The following HIF1A variants were observed in gnomAD, a reference collection of about 807,000 sequenced individuals.
HIF1A encodes hypoxia-inducible factor 1-alpha.
A neutral mutation model predicts 92.7 loss-of-function variants in HIF1A; 24 were observed. The observed-to-expected ratio is 0.26, with a 90% CI of 0.19 to 0.36. The LOEUF is 0.36. Ranked by LOEUF, HIF1A falls within the 10% of genes least tolerant of loss-of-function variation. The probability of loss-of-function intolerance (pLI) is 1.00; values close to 1 mark genes in which losing one functional copy is unlikely to be tolerated. For missense variants in HIF1A, 799 were observed against 998.5 expected, an observed-to-expected ratio of 0.80 and a Z score of 2.69; for synonymous variants, 319 against 338.7, an observed-to-expected ratio of 0.94 and a Z score of 0.64.
intron 6 of HIF1A, among the ~76,000 whole-genome samples, chr14:61,731,473 A>G (rs953889714): frequency 6.6e-6 from 1 of 152,252 alleles, no homozygotes; most frequent in African/African-American, 2.4e-5. Context: ...TTCATTTGAA[A>G]TATTGTTTTA....
chr14:61,732,381 C>T, intron 6 of HIF1A, 37 bp from the exon 7 acceptor site: 1 of 1,382,490 alleles, frequency 7.2e-7, no homozygotes, highest in Non-Finnish European at 1.0e-6. Context: ...TCAGTGTCTC[C>T]CTTTTTTTTC....
intron 1 of HIF1A, among the ~76,000 whole-genome samples, chr14:61,713,767 A>G (rs10459450): frequency 0.72 from 110,118 of 152,144 alleles, 45,985 homozygotes; most frequent in Non-Finnish European, 0.92. Context: ...TGAGAATCCC[A>G]ACTTTTGAAG....
intron 12 of HIF1A, among the ~76,000 whole-genome samples, chr14:61,743,911 G>A (rs1296368431): frequency 6.6e-6 from 1 of 152,178 alleles, no homozygotes; most frequent in African/African-American, 2.4e-5. Flanking sequence ...CTAGTGAGCA[G>A]TAGGACTTTG....
intron 1 of HIF1A, chr14:61,697,531 GA>G (rs2044130457): frequency 4.5e-6 from 1 of 224,590 alleles, no homozygotes; most frequent in Non-Finnish European, 7.8e-6. Flanking sequence ...GTTTTGAAAC[GA>G]ATTAATAAAT....
chr14:61,699,365 C>A (rs956547085), intron 1 of HIF1A, among the ~76,000 whole-genome samples: 1 of 152,076 alleles, frequency 6.6e-6, no homozygotes, highest in African/African-American at 2.4e-5. Flanking sequence ...AATGGTGTCA[C>A]GGCTCAGGGT....
At chr14:61,723,180 T>C (rs973686026) in intron 4 of HIF1A, among the ~76,000 whole-genome samples, 2 of 152,248 alleles carry the variant, frequency 1.3e-5, no homozygotes, top group African/African-American at 2.4e-5. Context: ...TTTTTGAGGT[T>C]TTCTTTTTCA....
chr14:61,724,349 TTCTCTCTC>T (rs147642291), intron 4 of HIF1A, among the ~76,000 whole-genome samples: 57 of 96,118 alleles, frequency 5.9e-4, no homozygotes, highest in African/African-American at 1.8e-3. Context: ...CACACACACA[TTCTCTCTC>T]TCTCTCTCTC....
rs1474412346 is a variant in HIF1A at position 61,738,270 on chromosome 14, T to C, written c.1433T>C (p.Leu478Ser). 1 of 1,614,134 alleles carries C rather than the reference T, an allele frequency of 6.2e-7. No homozygotes were observed. The highest frequency in any genetic ancestry group is 1.3e-5 in the African/African-American group (1 of 75,042). ...PALNQEVALKLEPNPESLELS... is the reference protein window; with the variant it reads ...PALNQEVALKSEPNPESLELS... ...CTCAATCAAGAAGTTGCATTAAAAT[T>C]AGAACCAAATCCAGAGTCACTGGAA... is the stretch of plus-strand genomic sequence containing the variant. Residue 478 changes from leucine (L) to serine (S), a missense_variant, in exon 10 of 15, where the codon TTA becomes TCA. Physicochemically the swap from Leu to Ser is moderately radical, Grantham distance 145. Coordinates refer to ENST00000337138, the MANE Select transcript of HIF1A (RefSeq NM_001530.4).
chr14:61,746,950 G>T lies in HIF1A; in HGVS notation c.2346G>T (p.Leu782=). The stretch of plus-strand genomic sequence containing the variant: ...GTTTTTCAGATTTAGCATGTAGACT[G>T]CTGGGGCAATCAATGGATGAAAGTG... The part of the protein sequence containing the change: ...ILIPSDLACR[L]LGQSMDESGL... The change falls in exon 15 of 15, where the codon CTG becomes CTT. Residue 782 remains leucine (L), a synonymous_variant. Transcript: ENST00000337138. 2 of 1,611,572 alleles carry T rather than the reference G, an allele frequency of 1.2e-6. No homozygotes were observed. Among genetic ancestry groups the T allele is most frequent in the South Asian group, 1.1e-5 (1 of 90,564 alleles).
rs533606959 is a variant in HIF1A at position 61,744,681 on chromosome 14, C to T, written c.2094-24C>T. The T allele has an allele frequency of 4.9e-6, 5 of 1,016,876 alleles. No individual in the cohort carries two copies. In the African/African-American group the frequency reaches 6.5e-5, roughly 13 times the overall value. The allele number at this position is 1,016,876 out of a possible 1,614,324, so 63.0% of individuals were successfully genotyped here. A position where few individuals can be genotyped will look rare whatever the true frequency, so the allele number is the denominator to read the frequency against. The stretch of plus-strand genomic sequence containing the variant: ...ATTTTTTTTAAAAACGCTATATTTT[C>T]ATTTAGAATTTTTTTCTTTTCAGAA... On this transcript the variant is annotated intron_variant, in intron 12 of 14. Coordinates refer to ENST00000337138, the MANE Select transcript of HIF1A (RefSeq NM_001530.4).
intron 10 of HIF1A, among the ~76,000 whole-genome samples, chr14:61,739,482 T>C (rs2044680052): frequency 6.6e-6 from 1 of 152,198 alleles, no homozygotes; most frequent in South Asian, 2.1e-4. Context: ...CATTAGGTAT[T>C]TGTTGAATAA....
chr14:61,696,830 A>G (rs1254137601), intron 1 of HIF1A, among the ~76,000 whole-genome samples: 4 of 152,214 alleles, frequency 2.6e-5, no homozygotes, highest in Non-Finnish European at 5.9e-5. Flanking sequence ...AACCGTCAAC[A>G]TATATCTAAA....
In HIF1A at chr14:61,747,923, G is replaced by A. The variant is rs1408156600; in HGVS notation, c.*838G>A. The A allele has an allele frequency of 1.3e-5, 2 of 152,116 alleles. No individual in the cohort carries two copies. Among genetic ancestry groups the A allele is most frequent in the African/African-American group, 4.8e-5 (2 of 41,274 alleles). 9.4% of individuals were successfully genotyped at this position (152,116 alleles called of 1,614,324 possible). Reference sequence around the variant, plus strand: ...AACTGATATTAAACCTAAATGTTCTGCCTACCCTGTTGGTATAAAGATATT... The same window carrying A: ...AACTGATATTAAACCTAAATGTTCTACCTACCCTGTTGGTATAAAGATATT... On this transcript the variant is annotated 3_prime_UTR_variant, in exon 15 of 15. Transcript: ENST00000337138.
chr14:61,741,291 T>C (rs1475901765), intron 12 of HIF1A, 103 bp downstream of exon 12: 6 of 718,004 alleles, frequency 8.4e-6, no homozygotes, highest in Admixed American at 3.1e-5. Flanking sequence ...TTCTGATATA[T>C]ATGCCCTAAC....
chr14:61,726,880 A>G, intron 5 of HIF1A, 62 bp downstream of exon 5: 1 of 936,776 alleles, frequency 1.1e-6, no homozygotes, highest in Non-Finnish European at 1.6e-6. Context: ...TTGTAGTATT[A>G]AGATAACTTT....
chr14:61,705,120 G>T (rs1041460820), intron 1 of HIF1A, among the ~76,000 whole-genome samples: 6 of 151,996 alleles, frequency 3.9e-5, no homozygotes, highest in Admixed American at 2.0e-4. Flanking sequence ...TTAATGTTCA[G>T]ATCTCTTTTG....
rs371155852 is a variant in HIF1A at position 61,745,831 on chromosome 14, T to A, written c.2329+14T>A. On this transcript the variant is annotated intron_variant, in intron 14 of 14. Coordinates refer to ENST00000337138, the MANE Select transcript of HIF1A (RefSeq NM_001530.4). ...TAATACCCTCTGGTTAGTTTATTCTTTTTGACCTTGAACATCACAAAGACA... is the reference window on the plus strand; with the variant it reads ...TAATACCCTCTGGTTAGTTTATTCTATTTGACCTTGAACATCACAAAGACA... The A allele has an allele frequency of 1.5e-5, 24 of 1,595,578 alleles. No homozygotes were observed. Among genetic ancestry groups the A allele is most frequent in the South Asian group, 4.5e-5 (4 of 88,398 alleles).
chr14:61,695,926 T>C, intron 1 of HIF1A, 87 bp downstream of exon 1: 1 of 1,274,232 alleles, frequency 7.8e-7, no homozygotes, highest in Non-Finnish European at 1.1e-6. Flanking sequence ...GCCTCGGCGT[T>C]AATGGGATTG....
chr14:61,728,713 T>C (rs1364581494), intron 6 of HIF1A, among the ~76,000 whole-genome samples: 3 of 152,218 alleles, frequency 2.0e-5, no homozygotes, highest in African/African-American at 4.8e-5. Context: ...ACTCCTGCCA[T>C]TGAATTCATT....
Sources: allele counts gnomAD v4.1 joint callset (sites outside exome capture counted in the v4.1 genomes callset), GRCh38; gene constraint gnomAD v4.1.1; transcripts MANE v1.5; gene names NCBI Gene and HGNC (gene_info 2026-07-23, HGNC 2026-07-21).